HDX: variants seen among roughly 807,000 people sequenced by gnomAD.
HDX encodes the protein chromosome X open reading frame 43.
A neutral mutation model predicts 45.2 loss-of-function variants in HDX; 19 were observed. The ratio of observed to expected loss-of-function variants is 0.42; its 90% CI spans 0.29 to 0.62. The LOEUF (loss-of-function observed/expected upper bound fraction) is 0.62, where lower values mean the gene tolerates loss of function less well. Among genes scored for constraint, HDX ranks in the 20% least tolerant of loss-of-function variants. The pLI, the probability that HDX is intolerant of heterozygous loss-of-function variation, is 0.20. For synonymous variants in HDX, 188 were observed against 172.8 expected (o/e 1.09, Z -0.69); for missense variants, 532 against 493.9 (o/e 1.08, Z -0.73).
chrX:84,492,687 A>C (rs1057220443), intron 1 of HDX, among the ~76,000 whole-genome samples: 2 of 110,848 alleles, frequency 1.8e-5, no homozygotes, highest in Non-Finnish European at 3.8e-5. Context: ...ACATCAATCC[A>C]CTCCTACACA....
In HDX at chrX:84,318,949, A is replaced by C. The variant is rs1055955207; in HGVS notation, c.*2940T>G. 3 of 110,770 alleles carry C rather than the reference A, an allele frequency of 2.7e-5. 1 individual carries two copies. In the Admixed American group the frequency reaches 2.9e-4, roughly 11 times the overall value. The allele number at this position is 110,770 out of a possible 1,213,427, so 9.1% of individuals were successfully genotyped here. On this transcript the variant is annotated 3_prime_UTR_variant, in exon 11 of 11. Coordinates refer to ENST00000373177, the MANE Select transcript of HDX (RefSeq NM_001177479.2). ...TTTCCTATTCTCCAGAGCAATTGCA[A>C]TTCTCATTTTCTTGTGAATAAGTTT...
At chrX:84,453,359 T>TC (rs56725965) in intron 4 of HDX, among the ~76,000 whole-genome samples, 1,485 of 111,383 alleles carry the variant, frequency 0.013, 36 homozygotes, top group African/African-American at 0.047. Context: ...ACACCATACC[T>TC]CCCCCAACCC....
At chrX:84,473,164 T>G (rs895476679) in intron 3 of HDX, among the ~76,000 whole-genome samples, 7 of 109,740 alleles carry the variant, frequency 6.4e-5, no homozygotes, top group African/African-American at 2.3e-4. Context: ...TCTTGTTTTT[T>G]TTACACCAGT....
chrX:84,458,283 C>CA (rs60282406), intron 4 of HDX, among the ~76,000 whole-genome samples: 60 of 106,622 alleles, frequency 5.6e-4, no homozygotes, highest in South Asian at 2.0e-3. Flanking sequence ...TTTGCACTAT[C>CA]AAAAAAAAAA....
At chrX:84,462,136 C>A (rs2040250958) in intron 4 of HDX, among the ~76,000 whole-genome samples, 1 of 111,596 alleles carries the variant, frequency 9.0e-6, no homozygotes, top group Non-Finnish European at 1.9e-5. Flanking sequence ...AAAAATAGAG[C>A]TACCATAAAA....
chrX:84,393,583 T>G (rs921639952), intron 5 of HDX, among the ~76,000 whole-genome samples: 1 of 111,569 alleles, frequency 9.0e-6, no homozygotes, highest in Non-Finnish European at 1.9e-5. Context: ...TCTTGGCATA[T>G]TTTGAGAGGA....
At chrX:84,486,749 A>G (rs754630039) in intron 2 of HDX, among the ~76,000 whole-genome samples, 1 of 109,548 alleles carries the variant, frequency 9.1e-6, no homozygotes, top group Non-Finnish European at 1.9e-5. Context: ...CTGTTTTTCT[A>G]TGGCTATTTT....
At chrX:84,323,967 C>T (rs1445559633) in intron 10 of HDX, among the ~76,000 whole-genome samples, 1 of 112,536 alleles carries the variant, frequency 8.9e-6, no homozygotes, top group African/African-American at 3.2e-5. Flanking sequence ...TCTTATCCCA[C>T]TTGCAAAGTG....
At chrX:84,368,473 A>G (rs1277493877) in intron 5 of HDX, among the ~76,000 whole-genome samples, 1 of 112,046 alleles carries the variant, frequency 8.9e-6, no homozygotes. Context: ...ATCTCCAGTG[A>G]AAATGGCTTG....
At chrX:84,375,121 G>T (rs1172637395) in intron 5 of HDX, among the ~76,000 whole-genome samples, 4 of 102,690 alleles carry the variant, frequency 3.9e-5, no homozygotes, top group Non-Finnish European at 7.9e-5. Flanking sequence ...AGACATTTAT[G>T]CAGCCAAAAG....
intron 1 of HDX, among the ~76,000 whole-genome samples, chrX:84,492,781 T>A (rs1203766116): frequency 8.9e-6 from 1 of 112,001 alleles, no homozygotes; most frequent in Non-Finnish European, 1.9e-5. Flanking sequence ...GATCCCTGTC[T>A]ATGCAATAAG....
rs751001968 is a variant in HDX at position 84,497,730 on chromosome X, C to CGT, written c.-110+4610_-110+4611dup. The stretch of plus-strand genomic sequence containing the variant: ...GTGTGTGTGTATGAATTTACATATA[C>CGT]GTGTGTGTGTGTGTGTGTGTATACA... On this transcript the variant is annotated intron_variant, in intron 1 of 10. Transcript: ENST00000373177. Among the ~76,000 whole-genome samples, 438 of 104,759 alleles carry CGT rather than the reference C, an allele frequency of 4.2e-3. 3 individuals are homozygous for CGT. The highest frequency in any genetic ancestry group is 0.012 in the African/African-American group (346 of 28,849). The allele number at this position is 104,759 out of a possible 115,157, so 91.0% of individuals were successfully genotyped here.
chrX:84,480,678 A>T (rs2040659420), intron 2 of HDX, among the ~76,000 whole-genome samples: 2 of 111,217 alleles, frequency 1.8e-5, no homozygotes, highest in Admixed American at 1.9e-4. Flanking sequence ...TTGATTTTCA[A>T]ATGCCAAACC....
In HDX at chrX:84,468,707, C is replaced by T; in HGVS notation, c.1016G>A (p.Ser339Asn). 1.7e-6 allele frequency: 2 copies of T among 1,211,421 alleles called. No individual in the cohort carries two copies. The highest frequency in any genetic ancestry group is 2.2e-6 in the Non-Finnish European group (2 of 895,357). The change falls in exon 4 of 11, where the codon AGT (serine) becomes AAT (asparagine). Residue 339 changes from serine to asparagine, a missense_variant. Coordinates refer to ENST00000373177, the MANE Select transcript of HDX (RefSeq NM_001177479.2). ...TCTTCCTGGTCCGGGCAAGGTTGTACTTTGGTTCTCAGCTCGAAGGGAACT... is the reference window on the plus strand; with the variant it reads ...TCTTCCTGGTCCGGGCAAGGTTGTATTTTGGTTCTCAGCTCGAAGGGAACT... ...SGSSLRAENQ[S>N]TTLPGPGRNM...
chrX:84,468,305 AC>A (rs1328411545), intron 4 of HDX, among the ~76,000 whole-genome samples, 166 bp downstream of exon 4: 1 of 111,970 alleles, frequency 8.9e-6, no homozygotes, highest in Admixed American at 9.5e-5. Flanking sequence ...TCATTTAAAA[AC>A]ATGAGAAACA....
Position 84,475,321 on chromosome X carries a change from T to C in HDX, c.77A>G (p.Gln26Arg). The part of the protein sequence containing the change: ...QRYYENGMTN[Q>R]SKNCFQLILQ... ...TATGAGCTGAAAGCAATTTTTACTTTGATTTGTCATTCCATTTTCATAATA... is the reference window on the plus strand; with the variant it reads ...TATGAGCTGAAAGCAATTTTTACTTCGATTTGTCATTCCATTTTCATAATA... Residue 26 changes from glutamine to arginine, a missense_variant, in exon 3 of 11, where the codon CAA becomes CGA. This residue lies in a region of HDX where 376 missense variants were observed against 343.7 expected (regional missense o/e 1.09). Transcript: ENST00000373177. The C allele has an allele frequency of 8.5e-7, 1 of 1,182,525 alleles. No homozygotes were observed. Among genetic ancestry groups the C allele is most frequent in the Non-Finnish European group, 1.1e-6 (1 of 871,209 alleles).
intron 1 of HDX, among the ~76,000 whole-genome samples, chrX:84,491,100 A>C (rs913665585): frequency 1.8e-5 from 2 of 111,081 alleles, no homozygotes; most frequent in African/African-American, 6.5e-5. Flanking sequence ...AATTTGTAAA[A>C]TTTTCAACTG....
intron 6 of HDX, among the ~76,000 whole-genome samples, chrX:84,348,443 A>G (rs1274682968): frequency 3.6e-5 from 4 of 111,899 alleles, no homozygotes; most frequent in African/African-American, 1.3e-4. Context: ...TGACGATTCT[A>G]ACATCCCTGT....
chrX:84,358,920 T>C (rs1349489113), intron 6 of HDX, among the ~76,000 whole-genome samples: 2 of 111,324 alleles, frequency 1.8e-5, no homozygotes, highest in Non-Finnish European at 3.8e-5. Flanking sequence ...CTCCAGTGTG[T>C]GTACTGGTGT....
Sources: allele counts gnomAD v4.1 joint callset (sites outside exome capture counted in the v4.1 genomes callset), GRCh38; gene constraint gnomAD v4.1.1; regional missense constraint gnomAD v4.1.1; transcripts MANE v1.5; gene names NCBI Gene and HGNC (gene_info 2026-07-23, HGNC 2026-07-21).